Variants in PARP4 observed in about 807,000 individuals in gnomAD.
The protein encoded by PARP4 is poly(ADP-ribose) polymerase family member 4, also known as protein mono-ADP-ribosyltransferase PARP4.
Under a neutral mutation model 187.7 loss-of-function variants are expected in PARP4, and 120 were observed. That is an observed-to-expected ratio of 0.64 (90% confidence interval 0.55 to 0.74). The LOEUF (loss-of-function observed/expected upper bound fraction) is 0.74. Ranked by LOEUF, PARP4 falls within the 30% of genes least tolerant of loss-of-function variation. PARP4 has a pLI of 0.00. For synonymous variants in PARP4, 654 were observed against 740.9 expected (o/e 0.88, Z 1.90); for missense variants, 1,836 against 2,070.5 (o/e 0.89, Z 2.20).
At chr13:24,494,975 G>A (rs1868867156) in intron 6 of PARP4, among the ~76,000 whole-genome samples, 1 of 151,704 alleles carries the variant, frequency 6.6e-6, no homozygotes, top group African/African-American at 2.4e-5. Context: ...GGGTTCAAGC[G>A]ATTCTTCTGC....
chr13:24,495,097 T>C (rs1158141421), intron 6 of PARP4, among the ~76,000 whole-genome samples: 5 of 152,064 alleles, frequency 3.3e-5, no homozygotes, highest in Admixed American at 3.3e-4. Flanking sequence ...TGAATAACTC[T>C]TGACCTCAAG....
chr13:24,502,312 C>A (rs1869344814), intron 2 of PARP4, among the ~76,000 whole-genome samples: 1 of 152,180 alleles, frequency 6.6e-6, no homozygotes, highest in South Asian at 2.1e-4. Context: ...AGTTTACAGG[C>A]ATGAGCCAAC....
chr13:24,468,980 CT>C (rs1370908164), intron 17 of PARP4, 43 bp downstream of exon 17: 1 of 1,266,956 alleles, frequency 7.9e-7, no homozygotes, highest in Non-Finnish European at 1.2e-6. Flanking sequence ...TTCTAACTCT[CT>C]TTCCCTCTCC....
intron 30 of PARP4, among the ~76,000 whole-genome samples, chr13:24,438,715 ACG>A (rs1870759325): frequency 7.9e-5 from 12 of 151,512 alleles, no homozygotes; most frequent in African/African-American, 2.7e-4. Flanking sequence ...CTTCCTGAGC[ACG>A]TCCCAGCAGA....
In PARP4 at chr13:24,459,133, T is replaced by C. The variant is rs1158284482; in HGVS notation, c.2346-11A>G. ...ATAGTCAAAGAGAAGCTAGCAAAAA[T>C]GAAGAGAAAGTTGTCTTAGTCTACG... On this transcript the variant is annotated splice_polypyrimidine_tract_variant and intron_variant, in intron 19 of 33. Transcript: ENST00000381989. 6.3e-7 allele frequency: 1 copy of C among 1,598,694 alleles called. No homozygotes were observed. Among genetic ancestry groups the C allele is most frequent in the South Asian group, 1.1e-5 (1 of 89,098 alleles).
intron 17 of PARP4, among the ~76,000 whole-genome samples, chr13:24,468,089 C>T (rs1209966333): frequency 1.3e-5 from 2 of 152,118 alleles, no homozygotes; most frequent in East Asian, 1.9e-4. Flanking sequence ...CCCTCAGAGG[C>T]GATACTCAAA....
intron 9 of PARP4, 142 bp downstream of exon 9, chr13:24,492,279 T>TA (rs1868698867): frequency 8.6e-6 from 5 of 583,950 alleles, no homozygotes; most frequent in African/African-American, 1.9e-5. Flanking sequence ...CAGGGCTTTC[T>TA]AAAATGGTTC....
chr13:24,457,770 CAAAAAAAAA>C (rs33930012), intron 20 of PARP4, among the ~76,000 whole-genome samples: 56 of 85,640 alleles, frequency 6.5e-4, no homozygotes, highest in East Asian at 2.9e-3. Flanking sequence ...GACTCTGTCT[CAAAAAAAAA>C]AAAAAAAAAA....
intron 21 of PARP4, among the ~76,000 whole-genome samples, chr13:24,455,867 T>C (rs9581054): frequency 0.12 from 17,933 of 151,918 alleles, 1,202 homozygotes; most frequent in African/African-American, 0.15. Context: ...AAGCAATCCA[T>C]CTGCCTTGGC....
At chr13:24,472,550 G>A (rs1261464243) in intron 15 of PARP4, among the ~76,000 whole-genome samples, 1 of 152,174 alleles carries the variant, frequency 6.6e-6, no homozygotes, top group African/African-American at 2.4e-5. Context: ...AGGCCTTTAT[G>A]GTTGTTCAAT....
At position 24,509,515 on chromosome 13, in the gene PARP4, AAG is replaced by A. The variant is rs1214843573; in HGVS notation, c.-2+3189_-2+3190del. 5.3e-5 allele frequency among the ~76,000 whole-genome samples: 8 copies of A among 151,448 alleles called. No homozygotes were observed. In the South Asian group the frequency reaches 8.3e-4, roughly 16 times the overall value. ...AGAGACCCTATCTCAAAAAAAAAAA[AAG>A]AGAGAAAAATTACTAAATTGTACAA... On this transcript the variant is annotated intron_variant, in intron 1 of 33. Transcript: ENST00000381989.
intron 30 of PARP4, among the ~76,000 whole-genome samples, chr13:24,441,300 G>C (rs1870913907): frequency 6.6e-6 from 1 of 152,150 alleles, no homozygotes; most frequent in Admixed American, 6.6e-5. Flanking sequence ...CACGGTGCCG[G>C]ATCAGATTTT....
chr13:24,432,816 T>C (rs957050165), intron 31 of PARP4, among the ~76,000 whole-genome samples: 9 of 152,266 alleles, frequency 5.9e-5, no homozygotes, highest in Middle Eastern at 3.4e-3. Context: ...CACAGGAGAA[T>C]GTGCTAAGCC....
chr13:24,456,616 C>T, intron 20 of PARP4, 138 bp from the exon 21 acceptor site: 1 of 718,552 alleles, frequency 1.4e-6, no homozygotes. Context: ...TGGTAAATTC[C>T]AAAATAATGA....
chr13:24,463,992 A>G (rs1021231232), intron 17 of PARP4, among the ~76,000 whole-genome samples: 1 of 152,162 alleles, frequency 6.6e-6, no homozygotes, highest in Admixed American at 6.6e-5. Context: ...AAGCATTCCT[A>G]TACACCAACA....
rs57015283 is a variant in PARP4 at position 24,455,480 on chromosome 13, A to AATATATATATATATATATATATATATAT, written c.2563-269_2563-268insATATATATATATATATATATATATATAT. ...CATATAGCATCAACATTATGGAACA[A>AATATATATATATATATATATATATATAT]ATATATATATATATATATATATATA... On this transcript the variant is annotated intron_variant, in intron 21 of 33. Coordinates refer to ENST00000381989, the MANE Select transcript of PARP4 (RefSeq NM_006437.4). Among the ~76,000 whole-genome samples, 168 of 108,292 alleles carry AATATATATATATATATATATATATATAT rather than the reference A, an allele frequency of 1.6e-3. 3 individuals carry two copies. Among genetic ancestry groups the AATATATATATATATATATATATATATAT allele is most frequent in the Non-Finnish European group, 2.5e-3 (124 of 50,408 alleles). 71.0% of individuals were successfully genotyped at this position (108,292 alleles called of 152,430 possible).
At chr13:24,492,342 C>A in intron 9 of PARP4, 79 bp downstream of exon 9, 1 of 959,752 alleles carries the variant, frequency 1.0e-6, no homozygotes, top group Non-Finnish European at 1.6e-6. Context: ...TTCAGTGTTA[C>A]CTCATTCATC....
intron 4 of PARP4, among the ~76,000 whole-genome samples, chr13:24,499,592 A>C (rs1194514865): frequency 6.6e-6 from 1 of 152,168 alleles, no homozygotes; most frequent in African/African-American, 2.4e-5. Context: ...TCCTCTGCAT[A>C]ATCTCCAGCT....
chr13:24,449,614 G>A, intron 25 of PARP4, 104 bp downstream of exon 25: 2 of 673,608 alleles, frequency 3.0e-6, no homozygotes, highest in South Asian at 1.8e-5. Context: ...CCTCTTTACG[G>A]CTCCCCTCTC....
Sources: allele counts gnomAD v4.1 joint callset (sites outside exome capture counted in the v4.1 genomes callset), GRCh38; gene constraint gnomAD v4.1.1; transcripts MANE v1.5; gene names NCBI Gene and HGNC (gene_info 2026-07-23, HGNC 2026-07-21).